Variants in SYNE1 observed in about 807,000 individuals in gnomAD.
SYNE1 encodes the protein spectrin repeat containing nuclear envelope protein 1, also known as nesprin-1.
A neutral mutation model predicts 1,111.0 loss-of-function variants in SYNE1; 616 were observed. The observed-to-expected ratio is 0.55, with a 90% CI of 0.52 to 0.59. The LOEUF (loss-of-function observed/expected upper bound fraction) is 0.59, where lower values mean the gene tolerates loss of function less well. Among genes scored for constraint, SYNE1 ranks in the 20% least tolerant of loss-of-function variants. SYNE1 has a pLI of 0.00. For synonymous variants in SYNE1, 3,855 were observed against 3,825.8 expected, an observed-to-expected ratio of 1.01 and a Z score of -0.28; for missense variants, 10,006 against 10,417.0, an observed-to-expected ratio of 0.96 and a Z score of 1.72.
At position 152,231,569 on chromosome 6, in the gene SYNE1, T is replaced by A. The variant is rs769286593; in HGVS notation, c.20863-2A>T. On this transcript the variant is annotated splice_acceptor_variant, in intron 113 of 145. Transcript: ENST00000367255. LOFTEE classifies it high-confidence loss of function. Reference sequence around the variant, plus strand: ...ACAGTTAATGTCTATCTTAAAACCCTAAAAAAAAAGAGGAGAAAATAAGAT... The same window carrying A: ...ACAGTTAATGTCTATCTTAAAACCCAAAAAAAAAAGAGGAGAAAATAAGAT... 2 of 1,583,168 alleles carry A rather than the reference T, an allele frequency of 1.3e-6. No homozygotes were observed. Among genetic ancestry groups the A allele is most frequent in the Non-Finnish European group, 1.7e-6 (2 of 1,158,454 alleles).
chr6:152,277,776 A>G (rs2093752522), intron 98 of SYNE1: 1 of 435,332 alleles, frequency 2.3e-6, no homozygotes, highest in Non-Finnish European at 4.3e-6. Flanking sequence ...CTTTACAGCA[A>G]CACTCCTGGA....
At chr6:152,584,489 G>A (rs1353837288) in intron 3 of SYNE1, among the ~76,000 whole-genome samples, 1 of 152,046 alleles carries the variant, frequency 6.6e-6, no homozygotes. Flanking sequence ...TGTCACCCAG[G>A]CTGGACTGCA....
intron 3 of SYNE1, among the ~76,000 whole-genome samples, chr6:152,615,369 T>A (rs1583471537): frequency 1.3e-5 from 2 of 152,168 alleles, no homozygotes; most frequent in African/African-American, 4.8e-5. Flanking sequence ...GTACAACTAT[T>A]GTTATCATCA....
intron 13 of SYNE1, among the ~76,000 whole-genome samples, chr6:152,483,660 A>G (rs1474746893): frequency 6.6e-6 from 1 of 152,122 alleles, no homozygotes; most frequent in South Asian, 2.1e-4. Context: ...TGAGAATCCC[A>G]TTAAAACCTC....
chr6:152,149,498 A>G lies in SYNE1; in HGVS notation c.24621T>C (p.His8207=), dbSNP rs745333126. Residue 8207 remains histidine (H), a synonymous_variant, in exon 136 of 146, where the codon CAT becomes CAC. Transcript: ENST00000367255. ...QEVFGRVERY[H]KKLIRLPLPD... is the part of the protein sequence containing the mutation. ...ATACAGGCAGGCGGATCAGTTTCTT[A>G]TGGTATCTTTCCACACGCCCGAAGA... The G allele has an allele frequency of 6.8e-6, 11 of 1,614,026 alleles. No homozygotes were observed. Among genetic ancestry groups the G allele is most frequent in the South Asian group, 2.2e-5 (2 of 91,086 alleles).
intron 6 of SYNE1, 54 bp downstream of exon 6, chr6:152,520,405 A>C: frequency 1.9e-6 from 3 of 1,579,970 alleles, no homozygotes; most frequent in Non-Finnish European, 2.6e-6. Context: ...TACTGAAAAC[A>C]TAAGTATGCC....
At chr6:152,164,350 C>T (rs530734964) in intron 130 of SYNE1, 25 bp from the exon 131 acceptor site, 4 of 1,613,656 alleles carry the variant, frequency 2.5e-6, no homozygotes, top group Admixed American at 3.3e-5. Context: ...GGGGGAATGT[C>T]CCACTTCAGC....
chr6:152,571,060 G>GTAACA (rs2099452544), intron 3 of SYNE1, among the ~76,000 whole-genome samples: 1 of 152,074 alleles, frequency 6.6e-6, no homozygotes, highest in African/African-American at 2.4e-5. Flanking sequence ...GTTTACTCTG[G>GTAACA]TCTTTTTTGA....
intron 80 of SYNE1, 128 bp from the exon 81 acceptor site, chr6:152,325,430 C>A: frequency 1.2e-6 from 1 of 842,066 alleles, no homozygotes; most frequent in South Asian, 1.5e-5. Flanking sequence ...TACGTTTATT[C>A]TCCTCTAGGT....
intron 4 of SYNE1, among the ~76,000 whole-genome samples, chr6:152,531,156 T>C (rs962030867): frequency 2.0e-5 from 3 of 152,108 alleles, no homozygotes; most frequent in Admixed American, 6.6e-5. Flanking sequence ...GCCAACAAGA[T>C]GCTGTAAAGT....
chr6:152,489,377 G>A (rs2098957993), intron 11 of SYNE1, among the ~76,000 whole-genome samples: 1 of 150,702 alleles, frequency 6.6e-6, no homozygotes, highest in African/African-American at 2.4e-5. Context: ...CGAATGGAAA[G>A]AATGCCATTT....
intron 81 of SYNE1, 91 bp downstream of exon 81, chr6:152,324,993 G>T: frequency 7.0e-7 from 1 of 1,434,490 alleles, no homozygotes; most frequent in Non-Finnish European, 9.8e-7. Context: ...CTTTCATAAG[G>T]CTGACTTCAA....
chr6:152,575,283 T>TG (rs2099491776), intron 3 of SYNE1, among the ~76,000 whole-genome samples: 1 of 152,262 alleles, frequency 6.6e-6, no homozygotes, highest in Non-Finnish European at 1.5e-5. Flanking sequence ...TTTAGTGGTC[T>TG]GGGCTGAATT....
intron 39 of SYNE1, among the ~76,000 whole-genome samples, chr6:152,421,070 A>G (rs2098251369): frequency 6.6e-6 from 1 of 152,226 alleles, no homozygotes; most frequent in African/African-American, 2.4e-5. Context: ...GCTTTGAGGA[A>G]TTCAGAAAAA....
At chr6:152,456,150 T>C (rs1311728857) in intron 22 of SYNE1, 106 bp from the exon 23 acceptor site, 12 of 1,250,820 alleles carry the variant, frequency 9.6e-6, no homozygotes, top group Non-Finnish European at 1.1e-6. Context: ...ATATAGCTTT[T>C]AGGCTTCTAA....
chr6:152,148,670 G>T lies in SYNE1; in HGVS notation c.24643-292C>A, dbSNP rs1252196346. 1.4e-5 allele frequency among the ~76,000 whole-genome samples: 2 copies of T among 145,924 alleles called. No individual in the cohort carries two copies. Among genetic ancestry groups the T allele is most frequent in the African/African-American group, 5.0e-5 (2 of 39,770 alleles). On this transcript the variant is annotated intron_variant, in intron 136 of 145. Transcript: ENST00000367255. The surrounding 1 kb of genome is among the most constrained non-coding windows in gnomAD (Gnocchi z 4.1). Reference sequence around the variant, plus strand: ...ATAACAGTCCCAGGCATCCCACAGGGTTTTTTTTTTTTGAGTGGGAAAAAA... The same window carrying T: ...ATAACAGTCCCAGGCATCCCACAGGTTTTTTTTTTTTTGAGTGGGAAAAAA...
chr6:152,246,481 C>A (rs1484478548), intron 105 of SYNE1, among the ~76,000 whole-genome samples: 1 of 151,786 alleles, frequency 6.6e-6, no homozygotes, highest in East Asian at 1.9e-4. Flanking sequence ...AGCAGAAATG[C>A]CAATTCAGTA....
intron 128 of SYNE1, among the ~76,000 whole-genome samples, chr6:152,187,974 C>T (rs2070740387): frequency 6.6e-6 from 1 of 152,318 alleles, no homozygotes; most frequent in Admixed American, 6.5e-5. Flanking sequence ...GATCCACCCG[C>T]CTCAGCCTCC....
intron 129 of SYNE1, among the ~76,000 whole-genome samples, chr6:152,176,863 A>G (rs2066581088): frequency 1.3e-5 from 2 of 152,154 alleles, no homozygotes; most frequent in Admixed American, 6.5e-5. Context: ...ATAAAACTTA[A>G]AAGATTTTAA....
Sources: allele counts gnomAD v4.1 joint callset (sites outside exome capture counted in the v4.1 genomes callset), GRCh38; gene constraint gnomAD v4.1.1; non-coding constraint Gnocchi (gnomAD v3.1); transcripts MANE v1.5; gene names NCBI Gene and HGNC (gene_info 2026-07-23, HGNC 2026-07-21).